The following EP300 variants were observed in gnomAD, a reference collection of about 807,000 sequenced individuals.
EP300 encodes the protein histone acetyltransferase p300.
In EP300, 31 loss-of-function variants were observed where a neutral mutation model predicts 264.0. That is an observed-to-expected ratio of 0.12 (90% CI 0.09 to 0.16). The LOEUF is 0.16. EP300 is among the 10% of genes least tolerant of loss of function. The pLI is 1.00. For synonymous variants in EP300, 1,340 were observed against 1,045.4 expected (o/e 1.28, Z -5.44); for missense variants, 2,766 against 3,052.9 (o/e 0.91, Z 2.21).
At chr22:41,166,296 T>A (rs2059133742) in intron 22 of EP300, among the ~76,000 whole-genome samples, 1 of 152,236 alleles carries the variant, frequency 6.6e-6, no homozygotes, top group Non-Finnish European at 1.5e-5. Flanking sequence ...AAATGTCACC[T>A]CTTAGGATTT....
chr22:41,179,938 G>C lies in EP300; in HGVS notation c.*982G>C, dbSNP rs867076760. 4.7e-6 allele frequency: 1 copy of C among 210,744 alleles called. No individual in the cohort carries two copies. Among genetic ancestry groups the C allele is most frequent in the African/African-American group, 2.3e-5 (1 of 43,170 alleles). 13.1% of individuals were successfully genotyped at this position (210,744 alleles called of 1,614,324 possible). ...CACACACACACTTTCTATAAAACTT[G>C]AAAATAGCAAAAACCCTCAACTGTT... On this transcript the variant is annotated 3_prime_UTR_variant, in exon 31 of 31. Transcript: ENST00000263253.
At chr22:41,126,374 G>C (rs981117140) in intron 3 of EP300, 3 of 239,634 alleles carry the variant, frequency 1.3e-5, no homozygotes, top group African/African-American at 6.7e-5. Flanking sequence ...TTGGGGGAAG[G>C]AATCTCTGGC....
rs749711387 is a variant in EP300, at chr22:41,147,884, C to T, written c.2179C>T (p.Pro727Ser). The change falls in exon 12 of 31, where the codon CCC becomes TCC. Residue 727 changes from proline to serine, a missense_variant. Transcript: ENST00000263253. Reference sequence around the variant, plus strand: ...GAGCATGGCCCAGCCCCCTATTGTACCCCGGCAAACCCCTCCTCTTCAGCA... The same window carrying T: ...GAGCATGGCCCAGCCCCCTATTGTATCCCGGCAAACCCCTCCTCTTCAGCA... ...QMSMAQPPIV[P>S]RQTPPLQHHG... The T allele has an allele frequency of 1.2e-6, 2 of 1,614,108 alleles. No individual in the cohort carries two copies. The highest frequency in any genetic ancestry group is 1.7e-6 in the Non-Finnish European group (2 of 1,180,016).
rs151308825 is a variant in EP300, at chr22:41,131,456, C to T, written c.1351C>T (p.Pro451Ser). Reference protein sequence around the residue: ...SSLGVGQQSAPNLSTVSQIDP... With the variant: ...SSLGVGQQSASNLSTVSQIDP... The stretch of plus-strand genomic sequence containing the variant: ...TCTAGGGGTGGGTCAACAGTCTGCC[C>T]CCAACCTAAGCACTGTTAGTCAGAT... Residue 451 changes from proline to serine, a missense_variant, in exon 6 of 31, where the codon CCC (proline) becomes TCC (serine). Pro to Ser is a moderately conservative substitution (Grantham distance 74). Coordinates refer to ENST00000263253, the MANE Select transcript of EP300 (RefSeq NM_001429.4). The T allele has an allele frequency of 6.8e-6, 11 of 1,613,890 alleles. No individual in the cohort carries two copies. In the South Asian group the frequency reaches 9.9e-5, roughly 14 times the overall value.
chr22:41,132,947 AC>A (rs1223914075), intron 6 of EP300, among the ~76,000 whole-genome samples: 1 of 152,210 alleles, frequency 6.6e-6, no homozygotes, highest in African/African-American at 2.4e-5. Flanking sequence ...ATAAAATCAA[AC>A]AGCTTTTTTC....
intron 6 of EP300, among the ~76,000 whole-genome samples, chr22:41,132,846 A>T (rs1291446294): frequency 6.6e-6 from 1 of 152,194 alleles, no homozygotes; most frequent in African/African-American, 2.4e-5. Context: ...ATTTGGGGAT[A>T]TATATGTTTC....
intron 1 of EP300, among the ~76,000 whole-genome samples, chr22:41,113,223 T>G (rs1170671323): frequency 6.8e-6 from 1 of 146,090 alleles, no homozygotes; most frequent in Non-Finnish European, 1.5e-5. Flanking sequence ...CTATATGATT[T>G]CTTTTTTATT....
intron 23 of EP300, among the ~76,000 whole-genome samples, chr22:41,167,584 G>GTGTGTGTGTA (rs869093144): frequency 2.9e-5 from 1 of 34,500 alleles, no homozygotes; most frequent in Non-Finnish European, 4.8e-5. Flanking sequence ...GTGTGTGTGT[G>GTGTGTGTGTA]TATATATATA....
intron 26 of EP300, 82 bp from the exon 27 acceptor site, chr22:41,170,324 A>C: frequency 1.5e-6 from 2 of 1,351,622 alleles, no homozygotes; most frequent in Non-Finnish European, 2.1e-6. Flanking sequence ...TATCTATATC[A>C]ACTCCAACTT....
intron 18 of EP300, among the ~76,000 whole-genome samples, chr22:41,158,153 G>A (rs2059087943): frequency 6.6e-6 from 1 of 152,204 alleles, no homozygotes; most frequent in South Asian, 2.1e-4. Context: ...AGCACTGCAG[G>A]CATGTGCCAC....
At chr22:41,119,166 C>CTTATTATTA (rs374638061) in intron 2 of EP300, among the ~76,000 whole-genome samples, 2 of 14,710 alleles carry the variant, frequency 1.4e-4, no homozygotes, top group Non-Finnish European at 2.1e-4. Flanking sequence ...CCATGCCTGG[C>CTTATTATTA]TTATTATTAT....
Position 41,121,225 on chromosome 22 carries a change from G to A in EP300, c.729+3404G>A, listed in dbSNP as rs73426544. Among the ~76,000 whole-genome samples, 1,402 of 152,150 alleles carry A rather than the reference G, an allele frequency of 9.2e-3. 26 individuals carry two copies. Among genetic ancestry groups the A allele is most frequent in the African/African-American group, 0.033 (1,350 of 41,496 alleles). The stretch of plus-strand genomic sequence containing the variant: ...ATTTCTTGTAGCTGCCTAGAACTTT[G>A]TGTGGCTTCCTCACCCTCTCCTTTT... On this transcript the variant is annotated intron_variant, in intron 2 of 30. Coordinates refer to ENST00000263253, the MANE Select transcript of EP300 (RefSeq NM_001429.4).
chr22:41,176,605 T>G lies in EP300; in HGVS notation c.5061+77T>G, dbSNP rs1247482134. 5 of 1,608,518 alleles carry G rather than the reference T, an allele frequency of 3.1e-6. No homozygotes were observed. The Admixed American group carries it at 6.7e-5, about 22-fold the overall frequency. ...AGGGGCCATGCAGCCACGTATTTTA[T>G]AGAGGCCTGTGGGATGCTAGGGGCT... is the stretch of plus-strand genomic sequence containing the variant. On this transcript the variant is annotated intron_variant, in intron 30 of 30. Transcript: ENST00000263253.
intron 2 of EP300, among the ~76,000 whole-genome samples, chr22:41,122,323 G>A (rs1487400160): frequency 2.0e-5 from 3 of 151,772 alleles, no homozygotes; most frequent in African/African-American, 7.3e-5. Context: ...GTGCTACCAC[G>A]CCCAGATAAT....
In EP300 at chr22:41,176,086, G is replaced by A. The variant is rs2059198781; in HGVS notation, c.4780-161G>A. The A allele has an allele frequency of 5.2e-6, 4 of 769,632 alleles. No homozygotes were observed. The Admixed American group carries it at 9.0e-5, about 17-fold the overall frequency. 47.7% of individuals were successfully genotyped at this position (769,632 alleles called of 1,614,324 possible). A position where few individuals can be genotyped will look rare whatever the true frequency, so the allele number is the denominator to read the frequency against. ...AATGCAGAAATTAGCCAGGTGTGGT[G>A]GTGTGGGCCTGTGGTCTCAGCTATT... is the stretch of plus-strand genomic sequence containing the variant. On this transcript the variant is annotated intron_variant, in intron 29 of 30. Transcript: ENST00000263253.
intron 2 of EP300, among the ~76,000 whole-genome samples, chr22:41,125,182 G>C (rs1485453254): frequency 7.0e-6 from 1 of 142,662 alleles, no homozygotes; most frequent in African/African-American, 2.6e-5. Flanking sequence ...GCAGCGGCGT[G>C]ATCTCGGCTC....
intron 10 of EP300, chr22:41,146,403 G>A (rs1344113930): frequency 9.3e-6 from 3 of 322,182 alleles, no homozygotes; most frequent in Non-Finnish European, 1.8e-5. Flanking sequence ...CTGACCTCAA[G>A]TGATCCACCC....
chr22:41,119,177 T>TATTATTATTA (rs368808210), intron 2 of EP300, among the ~76,000 whole-genome samples: 6 of 130,532 alleles, frequency 4.6e-5, no homozygotes, highest in African/African-American at 1.2e-4. Flanking sequence ...TTATTATTAT[T>TATTATTATTA]TTTTTTTTTT....
At chr22:41,159,176 T>G (rs1239730732) in intron 19 of EP300, 1 of 152,862 alleles carries the variant, frequency 6.5e-6, no homozygotes, top group Non-Finnish European at 1.5e-5. Context: ...AGTGATCAGC[T>G]ACAAGTATAG....
Sources: gnomAD v4.1 joint callset for allele counts (sites outside exome capture counted in the v4.1 genomes callset) on GRCh38, gnomAD v4.1.1 for gene constraint, MANE v1.5 for transcripts, NCBI Gene and HGNC (gene_info 2026-07-23, HGNC 2026-07-21) for gene names.